Variants in TRIM37 observed in about 807,000 individuals in gnomAD.
The protein encoded by TRIM37 is E3 ubiquitin-protein ligase TRIM37.
Under a neutral mutation model 129.8 loss-of-function variants are expected in TRIM37, and 80 were observed. The ratio of observed to expected loss-of-function variants is 0.62; its 90% confidence interval spans 0.51 to 0.74. The LOEUF (loss-of-function observed/expected upper bound fraction) is 0.74. TRIM37 is among the 30% of genes least tolerant of loss of function. The probability of loss-of-function intolerance (pLI) is 0.00; values close to 1 mark genes in which losing one functional copy is unlikely to be tolerated. For missense variants in TRIM37, 1,054 were observed against 1,176.5 expected (o/e 0.90, Z 1.52); for synonymous variants, 389 against 387.1 (o/e 1.00, Z -0.06).
At chr17:58,976,752 T>C in the TRIM37 span, among the ~76,000 whole-genome samples, 2 of 152,162 alleles carry the variant, frequency 1.3e-5, no homozygotes, top group Admixed American at 6.5e-5. Context: ...AGCCAGAACT[T>C]TGGCAGCATT....
chr17:58,998,186 A>G, downstream of TRIM37: 1 of 984,194 alleles, frequency 1.0e-6, no homozygotes, highest in Non-Finnish European at 1.2e-6. Context: ...CCAATTTAAT[A>G]AACAGCAGAG....
intron 10 of TRIM37, 106 bp downstream of exon 10, chr17:59,064,248 TA>T: frequency 1.2e-6 from 1 of 851,838 alleles, no homozygotes; most frequent in Non-Finnish European, 1.9e-6. Context: ...CTAAGACTTC[TA>T]AAGTGAGTGA....
the TRIM37 span, chr17:58,972,106 T>C: frequency 6.3e-7 from 1 of 1,599,796 alleles, no homozygotes; most frequent in Non-Finnish European, 8.5e-7. Flanking sequence ...TTTCACTGAG[T>C]CTAGTTTTAT....
At position 59,008,416 on chromosome 17, in the gene TRIM37, A is replaced by C. The variant is rs150327737; in HGVS notation, c.2695+3912T>G. On this transcript the variant is annotated intron_variant, in intron 22 of 23. Coordinates refer to ENST00000262294, the MANE Select transcript of TRIM37 (RefSeq NM_015294.6). ...AACTCCATTCTTTCAAAGACTTGGA[A>C]AATGTACCGATCTTCACTATGGCCA... Among the ~76,000 whole-genome samples the C allele has an allele frequency of 2.4e-3, 361 of 152,356 alleles. 4 individuals carry two copies. The highest frequency in any genetic ancestry group is 8.3e-3 in the African/African-American group (345 of 41,590).
chr17:59,099,105 C>T (rs2045209446), intron 2 of TRIM37, among the ~76,000 whole-genome samples: 1 of 152,078 alleles, frequency 6.6e-6, no homozygotes, highest in Non-Finnish European at 1.5e-5. Flanking sequence ...CTCGCTTGAA[C>T]CTCGGAGGTG....
chr17:58,968,871 G>A, the TRIM37 span, among the ~76,000 whole-genome samples: 1 of 152,160 alleles, frequency 6.6e-6, no homozygotes, highest in Non-Finnish European at 1.5e-5. Context: ...CTTAGATCAT[G>A]GGGTGAGGCA....
chr17:59,106,550 C>T lies in TRIM37; in HGVS notation c.-89G>A, dbSNP rs1301559796. The T allele has an allele frequency of 1.3e-6, 2 of 1,544,662 alleles. No individual in the cohort carries two copies. The highest frequency in any genetic ancestry group is 8.9e-7 in the Non-Finnish European group (1 of 1,128,744). On this transcript the variant is annotated 5_prime_UTR_variant, in exon 1 of 24. Coordinates refer to ENST00000262294, the MANE Select transcript of TRIM37 (RefSeq NM_015294.6). ...CCGGCCCGAGGTCGCCAGATCAAAT[C>T]GCCGATAAAAGCCCGGCGCCCACGT...
downstream of TRIM37, among the ~76,000 whole-genome samples, chr17:58,994,782 CTT>C (rs1216924416): frequency 6.7e-6 from 1 of 148,674 alleles, no homozygotes; most frequent in African/African-American, 2.5e-5. Context: ...GAGTTTCGCT[CTT>C]GTTGCCCAGG....
chr17:58,985,240 G>A (rs1200372529), intron 24 of TRIM37: 1 of 152,582 alleles, frequency 6.6e-6, no homozygotes, highest in Non-Finnish European at 1.5e-5. Flanking sequence ...AATTTGTGCA[G>A]ATTTCTTCAG....
chr17:59,029,622 T>C (rs2037620790), intron 18 of TRIM37, among the ~76,000 whole-genome samples: 1 of 152,176 alleles, frequency 6.6e-6, no homozygotes, highest in South Asian at 2.1e-4. Flanking sequence ...GCAGGCCACG[T>C]GCAGTGGCTC....
intron 17 of TRIM37, among the ~76,000 whole-genome samples, chr17:59,033,547 C>T (rs2038119495): frequency 6.6e-6 from 1 of 152,046 alleles, no homozygotes; most frequent in African/African-American, 2.4e-5. Flanking sequence ...ATTCTCCTGC[C>T]TCAGCCTCCC....
downstream of TRIM37, among the ~76,000 whole-genome samples, chr17:58,997,494 T>C (rs1007005428): frequency 2.6e-5 from 4 of 152,082 alleles, no homozygotes. Flanking sequence ...CCAAACAGGT[T>C]TGATACACAA....
intron 17 of TRIM37, among the ~76,000 whole-genome samples, chr17:59,034,817 GA>G (rs1403686842): frequency 6.6e-6 from 1 of 152,000 alleles, no homozygotes; most frequent in Non-Finnish European, 1.5e-5. Context: ...ACACCCAGAT[GA>G]AGAAATATAT....
intron 2 of TRIM37, among the ~76,000 whole-genome samples, chr17:59,099,322 G>C (rs558767615): frequency 1.3e-5 from 2 of 151,960 alleles, no homozygotes; most frequent in Admixed American, 6.6e-5. Flanking sequence ...CTACATAGGT[G>C]TACCATTTTT....
intron 22 of TRIM37, among the ~76,000 whole-genome samples, chr17:59,011,501 G>A (rs866203377): frequency 6.6e-6 from 1 of 152,174 alleles, no homozygotes; most frequent in Non-Finnish European, 1.5e-5. Flanking sequence ...GAGTGCAGAG[G>A]TGGAAGGTGG....
At chr17:59,060,911 T>C (rs2041430621) in intron 12 of TRIM37, 121 bp downstream of exon 12, 6 of 718,860 alleles carry the variant, frequency 8.3e-6, no homozygotes, top group South Asian at 5.1e-5. Context: ...CAAGAACATA[T>C]TATTCTACAT....
intron 16 of TRIM37, among the ~76,000 whole-genome samples, chr17:59,043,013 G>C (rs757679804): frequency 6.6e-6 from 1 of 151,648 alleles, no homozygotes; most frequent in Non-Finnish European, 1.5e-5. Context: ...GTAGTGTTAG[G>C]CTTAAAACAC....
At chr17:59,023,481 G>A (rs1202456713) in intron 19 of TRIM37, among the ~76,000 whole-genome samples, 3 of 152,014 alleles carry the variant, frequency 2.0e-5, no homozygotes, top group South Asian at 2.1e-4. Context: ...GTGAAACCCC[G>A]TCTCTACTAA....
intron 3 of TRIM37, chr17:59,090,085 G>A (rs1328185584): frequency 6.6e-6 from 1 of 152,098 alleles, no homozygotes; most frequent in Non-Finnish European, 1.5e-5. Flanking sequence ...GGACGACAGA[G>A]CGAGACTCTG....
Sources: allele counts gnomAD v4.1 joint callset (sites outside exome capture counted in the v4.1 genomes callset), GRCh38; gene constraint gnomAD v4.1.1; transcripts MANE v1.5; gene names NCBI Gene and HGNC (gene_info 2026-07-23, HGNC 2026-07-21).